Variants in PLCG2 observed in about 807,000 individuals in gnomAD.
The protein encoded by PLCG2 is 1-phosphatidylinositol 4,5-bisphosphate phosphodiesterase gamma-2.
A neutral mutation model predicts 175.6 loss-of-function variants in PLCG2; 69 were observed. The ratio of observed to expected loss-of-function variants is 0.39; its 90% CI spans 0.32 to 0.48. The LOEUF (loss-of-function observed/expected upper bound fraction) is 0.48, where lower values mean the gene tolerates loss of function less well. PLCG2 is among the 20% of genes least tolerant of loss of function. The probability of loss-of-function intolerance (pLI) is 0.91; values close to 1 mark genes in which losing one functional copy is unlikely to be tolerated. For missense variants in PLCG2, 1,798 were observed against 1,650.9 expected (o/e 1.09, Z -1.54); for synonymous variants, 827 against 624.0 (o/e 1.33, Z -4.85).
In PLCG2 at chr16:81,889,347, CTGTT is replaced by C. The variant is rs991435130; in HGVS notation, c.867+78_867+81del. 87 of 807,122 alleles carry C rather than the reference CTGTT, an allele frequency of 1.1e-4. 1 individual carries two copies. The African/African-American group carries it at 1.4e-3, about 13-fold the overall frequency. 50.0% of individuals were successfully genotyped at this position (807,122 alleles called of 1,614,324 possible). The stretch of plus-strand genomic sequence containing the variant: ...GTCTGTGCTTTCTGAGGTTTATTTT[CTGTT>C]TGTCTTTCCTTGGAGAACTTTGCTG... On this transcript the variant is annotated intron_variant, in intron 10 of 32. Transcript: ENST00000564138.
intron 19 of PLCG2, among the ~76,000 whole-genome samples, chr16:81,915,235 C>T (rs984860387): frequency 6.6e-6 from 1 of 152,188 alleles, no homozygotes; most frequent in Non-Finnish European, 1.5e-5. Flanking sequence ...GAACACAGGT[C>T]TGCAGCAACT....
chr16:81,826,611 C>T (rs138977751), intron 2 of PLCG2, among the ~76,000 whole-genome samples: 2 of 152,174 alleles, frequency 1.3e-5, no homozygotes, highest in African/African-American at 2.4e-5. Context: ...CTACAATACT[C>T]AGTGCTTCAA....
chr16:81,914,241 T>C lies in PLCG2; in HGVS notation c.2054+1525T>C, dbSNP rs536182361. ...TGAGGTGCCCAAGCGGTGAGACAGC[T>C]CTGACACAACCGGATCGGGGCCTCA... On this transcript the variant is annotated intron_variant, in intron 19 of 32. Coordinates refer to ENST00000564138, the MANE Select transcript of PLCG2 (RefSeq NM_002661.5). Among the ~76,000 whole-genome samples the C allele has an allele frequency of 1.5e-4, 23 of 152,328 alleles. No individual in the cohort carries two copies. The East Asian group carries it at 4.4e-3, about 29-fold the overall frequency.
intron 2 of PLCG2, among the ~76,000 whole-genome samples, chr16:81,808,886 G>A (rs1185094094): frequency 1.3e-5 from 2 of 152,200 alleles, no homozygotes; most frequent in Non-Finnish European, 2.9e-5. Context: ...GCATGCTGGA[G>A]GGGCTCCCAT....
chr16:81,780,012 G>C (rs1383010055), intron 1 of PLCG2, among the ~76,000 whole-genome samples: 1 of 152,208 alleles, frequency 6.6e-6, no homozygotes, highest in Admixed American at 6.5e-5. Context: ...GAATCCCAAA[G>C]AGGGCATTAC....
chr16:81,824,207 C>G (rs1904943640), intron 2 of PLCG2, among the ~76,000 whole-genome samples: 1 of 150,198 alleles, frequency 6.7e-6, no homozygotes, highest in African/African-American at 2.4e-5. Flanking sequence ...GATCTCAGCT[C>G]ACCGCAACCT....
At chr16:81,888,703 A>G (rs1908490739) in intron 9 of PLCG2, among the ~76,000 whole-genome samples, 1 of 152,198 alleles carries the variant, frequency 6.6e-6, no homozygotes, top group African/African-American at 2.4e-5. Context: ...CAACCCAGGT[A>G]AGTGACCTGG....
intron 2 of PLCG2, among the ~76,000 whole-genome samples, chr16:81,837,087 T>C (rs1315247873): frequency 6.6e-6 from 1 of 152,218 alleles, no homozygotes; most frequent in Non-Finnish European, 1.5e-5. Context: ...GTTAAGGTAG[T>C]TGTCTGTATT....
At chr16:81,792,480 C>CAAAAAAAAAAAAAAAAAA (rs532680550) in intron 2 of PLCG2, among the ~76,000 whole-genome samples, 7 of 70,160 alleles carry the variant, frequency 1.0e-4, no homozygotes, top group African/African-American at 4.0e-4. Flanking sequence ...GGCTCTGTCT[C>CAAAAAAAAAAAAAAAAAA]AAAAAAAAAA....
chr16:81,768,944 C>T (rs746799405), intron 2 of PLCG2, among the ~76,000 whole-genome samples: 2 of 152,140 alleles, frequency 1.3e-5, no homozygotes, highest in Non-Finnish European at 2.9e-5. Flanking sequence ...TCCCCAGCAG[C>T]CTGGGACTCC....
chr16:81,805,886 C>G (rs5006645), intron 2 of PLCG2, among the ~76,000 whole-genome samples: 44,455 of 149,720 alleles, frequency 0.3, 7,001 homozygotes, highest in South Asian at 0.38. Context: ...GTGATCCTCC[C>G]AGCTCAGCCT....
chr16:81,791,715 C>A lies in PLCG2; in HGVS notation c.193+5533C>A, dbSNP rs60230971. Reference sequence around the variant, plus strand: ...GAGTAGCTGGGATTACAGGTGGGTACCATCACATGCAGCTAATTTTTGTAT... The same window carrying A: ...GAGTAGCTGGGATTACAGGTGGGTAACATCACATGCAGCTAATTTTTGTAT... On this transcript the variant is annotated intron_variant, in intron 2 of 32. Transcript: ENST00000564138. 2.6e-3 allele frequency among the ~76,000 whole-genome samples: 401 copies of A among 152,272 alleles called. 1 individual carries two copies. The highest frequency in any genetic ancestry group is 9.2e-3 in the African/African-American group (383 of 41,558).
intron 14 of PLCG2, among the ~76,000 whole-genome samples, chr16:81,902,958 C>T (rs571273097): frequency 1.1e-4 from 17 of 152,238 alleles, no homozygotes; most frequent in Admixed American, 3.9e-4. Context: ...GTGAAAGGCC[C>T]GCCCCCATGA....
chr16:81,923,476 C>A lies in PLCG2; in HGVS notation c.2308-9C>A. 1.3e-6 allele frequency: 2 copies of A among 1,586,994 alleles called. No individual in the cohort carries two copies. Among genetic ancestry groups the A allele is most frequent in the Non-Finnish European group, 1.7e-6 (2 of 1,155,946 alleles). ...GGCCTGACCTTTTCCTTCTTGTTTTCCCTGAAAGCCTCAGAGAACCGTGAA... is the reference window on the plus strand; with the variant it reads ...GGCCTGACCTTTTCCTTCTTGTTTTACCTGAAAGCCTCAGAGAACCGTGAA... On this transcript the variant is annotated splice_polypyrimidine_tract_variant and intron_variant, in intron 21 of 32. Transcript: ENST00000564138.
In PLCG2 at chr16:81,936,427, G is replaced by GTCACTC. The variant is rs1910716137; in HGVS notation, c.3052+50_3052+55dup. The GTCACTC allele has an allele frequency of 2.0e-6, 3 of 1,498,836 alleles. No homozygotes were observed. In the East Asian group the frequency reaches 6.8e-5, roughly 34 times the overall value. The allele number at this position is 1,498,836 out of a possible 1,614,324, so 92.8% of individuals were successfully genotyped here. On this transcript the variant is annotated intron_variant, in intron 27 of 32. Transcript: ENST00000564138. ...CCGTCCCTGCAAGGTGGCGGTTGCA[G>GTCACTC]TCACTCCAGGCCGAGTCACCTTGGG...
chr16:81,854,438 T>C lies in PLCG2; in HGVS notation c.194-6T>C. 6.2e-7 allele frequency: 1 copy of C among 1,613,582 alleles called. No homozygotes were observed. The highest frequency in any genetic ancestry group is 8.5e-7 in the Non-Finnish European group (1 of 1,179,578). On this transcript the variant is annotated splice_region_variant and splice_polypyrimidine_tract_variant and intron_variant, in intron 2 of 32. Transcript: ENST00000564138. ...TTCTAATTGGCTCATGTTAATTTCA[T>C]TTTAGTGGATATCATGGAAATAAAA...
intron 2 of PLCG2, among the ~76,000 whole-genome samples, chr16:81,813,090 G>A (rs1904388767): frequency 6.6e-6 from 1 of 152,190 alleles, no homozygotes; most frequent in South Asian, 2.1e-4. Context: ...TTGTAGTATA[G>A]TTTGAAGTCA....
In PLCG2 at chr16:81,910,506, T is replaced by A. The variant is rs756732335; in HGVS notation, c.1734-14T>A. The A allele has an allele frequency of 1.9e-6, 3 of 1,612,920 alleles. No homozygotes were observed. Among genetic ancestry groups the A allele is most frequent in the East Asian group, 2.2e-5 (1 of 44,884 alleles). On this transcript the variant is annotated splice_polypyrimidine_tract_variant and intron_variant, in intron 17 of 32. Coordinates refer to ENST00000564138, the MANE Select transcript of PLCG2 (RefSeq NM_002661.5). ...CTGCGTTCTCCCAGCACTGATGGCG[T>A]CCTCTCCCCGCAGGCGGTCAGGCCG... is the stretch of plus-strand genomic sequence containing the variant.
intron 1 of PLCG2, among the ~76,000 whole-genome samples, chr16:81,742,386 G>C (rs568970251): frequency 3.3e-5 from 5 of 152,156 alleles, no homozygotes; most frequent in African/African-American, 1.2e-4. Context: ...CTGCTTCACA[G>C]GTGATGACCC....
Sources: gnomAD v4.1 joint callset for allele counts (sites outside exome capture counted in the v4.1 genomes callset) on GRCh38, gnomAD v4.1.1 for gene constraint, MANE v1.5 for transcripts, NCBI Gene and HGNC (gene_info 2026-07-23, HGNC 2026-07-21) for gene names.